The following NRG1 variants were observed in gnomAD, a reference collection of about 807,000 sequenced individuals.
NRG1 encodes the protein neuregulin 1, also known as pro-neuregulin-1, membrane-bound isoform.
NRG1 carries 18 observed loss-of-function variants against 63.8 expected under a neutral mutation model. The observed-to-expected ratio is 0.28, with a 90% CI of 0.19 to 0.42. The LOEUF (loss-of-function observed/expected upper bound fraction) is 0.42, where lower values mean the gene tolerates loss of function less well. Ranked by LOEUF, NRG1 falls within the 10% of genes least tolerant of loss-of-function variation. The pLI is 1.00. For missense variants in NRG1, 762 were observed against 814.7 expected, an observed-to-expected ratio of 0.94 and a Z score of 0.79; for synonymous variants, 302 against 301.3, an observed-to-expected ratio of 1.00 and a Z score of -0.02.
chr8:32,320,696 C>T (rs1399335142), intron 1 of NRG1, among the ~76,000 whole-genome samples: 3 of 152,168 alleles, frequency 2.0e-5, no homozygotes, highest in East Asian at 1.9e-4. Context: ...CTGGGGATTA[C>T]AATTCGACCT....
In NRG1 at chr8:31,954,302, A is replaced by G. The variant is rs539382505; in HGVS notation, c.37+314871A>G. Among the ~76,000 whole-genome samples, 7 of 152,324 alleles carry G rather than the reference A, an allele frequency of 4.6e-5. No homozygotes were observed. The South Asian group carries it at 1.4e-3, about 32-fold the overall frequency. ...GTGACTTGTCTCAGGTCCCATAGCTAGTCAATGGCAAAGTGGGTGAACATG... is the reference window on the plus strand; with the variant it reads ...GTGACTTGTCTCAGGTCCCATAGCTGGTCAATGGCAAAGTGGGTGAACATG... On this transcript the variant is annotated intron_variant, in intron 1 of 10. Coordinates refer to the NRG1 transcript ENST00000519301.
chr8:31,974,702 C>T lies in NRG1; in HGVS notation c.37+335271C>T, dbSNP rs1460228539. ...CTGAATCTCCCGTGTCTTTGTCCCT[C>T]CAGATAATTTAGTGTGCACCTTATG... On this transcript the variant is annotated intron_variant, in intron 1 of 10. Transcript: ENST00000519301. Among the ~76,000 whole-genome samples, 3 of 152,266 alleles carry T rather than the reference C, an allele frequency of 2.0e-5. No individual in the cohort carries two copies. In the East Asian group the frequency reaches 5.8e-4, roughly 29 times the overall value.
intron 1 of NRG1, among the ~76,000 whole-genome samples, chr8:32,265,489 C>T (rs996429162): frequency 6.6e-6 from 1 of 152,048 alleles, no homozygotes; most frequent in Non-Finnish European, 1.5e-5. Context: ...GTTCTGCATA[C>T]ATTCAACCAA....
At chr8:31,919,289 T>C (rs1240645259) in intron 1 of NRG1, among the ~76,000 whole-genome samples, 3 of 152,080 alleles carry the variant, frequency 2.0e-5, no homozygotes, top group Non-Finnish European at 4.4e-5. Flanking sequence ...TATTTTTTGA[T>C]GAAGGGCAAA....
intron 5 of NRG1, among the ~76,000 whole-genome samples, chr8:32,640,462 A>G (rs1852147119): frequency 6.6e-6 from 1 of 152,120 alleles, no homozygotes; most frequent in African/African-American, 2.4e-5. Flanking sequence ...ATAGCAGTGG[A>G]CGCAGACACA....
intron 1 of NRG1, among the ~76,000 whole-genome samples, chr8:32,109,812 C>A (rs1290854438): frequency 6.6e-6 from 1 of 152,146 alleles, no homozygotes; most frequent in Non-Finnish European, 1.5e-5. Context: ...ATCACCAAAT[C>A]ATTACATCAT....
chr8:32,564,991 G>T (rs1837172763), intron 1 of NRG1, among the ~76,000 whole-genome samples: 1 of 152,050 alleles, frequency 6.6e-6, no homozygotes, highest in African/African-American at 2.4e-5. Context: ...GATTGCTGGA[G>T]CCCAGGAGTT....
chr8:31,927,684 G>C (rs1452926420), intron 1 of NRG1, among the ~76,000 whole-genome samples: 30 of 148,916 alleles, frequency 2.0e-4, no homozygotes, highest in African/African-American at 6.9e-4. Context: ...TCCTGACCTC[G>C]TGATCCGCCC....
At chr8:32,470,692 C>G (rs1422128557) in intron 1 of NRG1, among the ~76,000 whole-genome samples, 1 of 152,118 alleles carries the variant, frequency 6.6e-6, no homozygotes, top group Non-Finnish European at 1.5e-5. Context: ...TGAATCCTAC[C>G]CTAATACTTC....
chr8:31,771,013 A>G (rs537370878), intron 1 of NRG1, among the ~76,000 whole-genome samples: 2 of 152,188 alleles, frequency 1.3e-5, no homozygotes, highest in East Asian at 1.9e-4. Flanking sequence ...TAGTTCTTAC[A>G]TGCAATCATT....
At chr8:32,205,084 T>C (rs192432464) in intron 1 of NRG1, among the ~76,000 whole-genome samples, 2 of 152,350 alleles carry the variant, frequency 1.3e-5, no homozygotes, top group Non-Finnish European at 2.9e-5. Flanking sequence ...GTAGACGTGA[T>C]ATGTTGTTAA....
chr8:31,892,249 G>C (rs1831206134), intron 1 of NRG1, among the ~76,000 whole-genome samples: 2 of 152,134 alleles, frequency 1.3e-5, no homozygotes, highest in Non-Finnish European at 2.9e-5. Flanking sequence ...TGATCAAGCT[G>C]CTCTTAGTTG....
chr8:32,713,181 T>A (rs1054923608), intron 5 of NRG1, among the ~76,000 whole-genome samples: 2 of 152,182 alleles, frequency 1.3e-5, no homozygotes, highest in Admixed American at 1.3e-4. Context: ...CGAAGATCCT[T>A]TGTTGCCATA....
chr8:32,666,727 C>G (rs1369904155), intron 5 of NRG1, among the ~76,000 whole-genome samples: 1 of 152,144 alleles, frequency 6.6e-6, no homozygotes, highest in East Asian at 1.9e-4. Context: ...AGAAAGAGCT[C>G]CAGACTTTGT....
At chr8:32,493,233 G>T (rs959184339) in intron 1 of NRG1, among the ~76,000 whole-genome samples, 1 of 151,984 alleles carries the variant, frequency 6.6e-6, no homozygotes, top group African/African-American at 2.4e-5. Context: ...CTAGTGACTC[G>T]CACCCATTAG....
intron 1 of NRG1, among the ~76,000 whole-genome samples, chr8:32,168,579 A>G (rs1554643622): frequency 2.6e-5 from 4 of 152,194 alleles, no homozygotes; most frequent in Non-Finnish European, 5.9e-5. Context: ...TTAGTCTGTG[A>G]CTGGGGGGCC....
At chr8:32,563,026 G>A (rs2129527288) in intron 1 of NRG1, among the ~76,000 whole-genome samples, 1 of 152,278 alleles carries the variant, frequency 6.6e-6, no homozygotes, top group Non-Finnish European at 1.5e-5. Context: ...GAACAAGGTT[G>A]TTTAACCCAT....
chr8:32,582,158 C>T (rs1020017343), intron 1 of NRG1, among the ~76,000 whole-genome samples: 4 of 149,588 alleles, frequency 2.7e-5, no homozygotes, highest in Admixed American at 6.7e-5. Context: ...AGTGCAGTGG[C>T]ATGGTTTCAG....
At chr8:32,617,521 A>T (rs1847592212) in intron 5 of NRG1, among the ~76,000 whole-genome samples, 1 of 152,238 alleles carries the variant, frequency 6.6e-6, no homozygotes, top group African/African-American at 2.4e-5. Flanking sequence ...AACTTAAAAT[A>T]TTAGCAAGGA....
Sources: allele counts gnomAD v4.1 joint callset (sites outside exome capture counted in the v4.1 genomes callset), GRCh38; gene constraint gnomAD v4.1.1; transcripts MANE v1.5; gene names NCBI Gene and HGNC (gene_info 2026-07-23, HGNC 2026-07-21).